CX3CR1: variants seen among roughly 807,000 people sequenced by gnomAD.
CX3CR1 encodes the protein CX3C chemokine receptor 1.
For synonymous variants in CX3CR1, 168 were observed against 178.5 expected (o/e 0.94, Z 0.47); for missense variants, 363 against 432.4 (o/e 0.84, Z 1.42).
rs961959425 is a variant in CX3CR1 at position 39,265,452 on chromosome 3, A to G, written c.1058T>C (p.Leu353Pro). 1.2e-6 allele frequency: 2 copies of G among 1,608,530 alleles called. No homozygotes were observed. Among genetic ancestry groups the G allele is most frequent in the Admixed American group, 1.7e-5 (1 of 59,746 alleles). ...GCTTTGGGATTCCCTTCAGAGAAGGAGCAATGCATCTCCATCACTCGTGTG... is the reference window on the plus strand; with the variant it reads ...GCTTTGGGATTCCCTTCAGAGAAGGGGCAATGCATCTCCATCACTCGTGTG... Reference protein sequence around the residue: ...TYHTSDGDALLLL With the variant: ...TYHTSDGDALPLL The change falls in exon 2 of 2, where the codon CTC (leucine) becomes CCC (proline). Residue 353 changes from leucine (L) to proline (P), a missense_variant. Leu to Pro is a moderately conservative substitution (Grantham distance 98, BLOSUM62 -3). Transcript: ENST00000399220.
the CX3CR1 span, chr3:39,287,972 T>TGA: frequency 3.3e-5 from 5 of 151,012 alleles, no homozygotes; most frequent in African/African-American, 1.2e-4. Flanking sequence ...TGTGTGTGTG[T>TGA]GAGAGAGATG....
At chr3:39,274,479 AC>A (rs748360800) in intron 1 of CX3CR1, among the ~76,000 whole-genome samples, 12,264 of 74,722 alleles carry the variant, frequency 0.16, 589 homozygotes, top group Non-Finnish European at 0.19. Flanking sequence ...TCCAACCACC[AC>A]CAAAAAAAAA....
At chr3:39,279,932 C>G (rs2040877415) in intron 1 of CX3CR1, 22 bp downstream of exon 1, 1 of 974,604 alleles carries the variant, frequency 1.0e-6, no homozygotes, top group Non-Finnish European at 1.2e-6. Flanking sequence ...CCACAGGTAC[C>G]CAACTAGTCC....
chr3:39,274,176 C>T (rs1440160001), intron 1 of CX3CR1, among the ~76,000 whole-genome samples: 1 of 152,136 alleles, frequency 6.6e-6, no homozygotes, highest in Admixed American at 6.5e-5. Context: ...CATGCCCAGA[C>T]CCCTGACTGT....
At chr3:39,282,709 G>A (rs2040914670), upstream of CX3CR1, among the ~76,000 whole-genome samples, 2 of 152,192 alleles carry the variant, frequency 1.3e-5, no homozygotes, top group Admixed American at 6.5e-5. Context: ...GAGTGAGAAT[G>A]TGATTCACCT....
chr3:39,267,150 G>A (rs775861022), intron 1 of CX3CR1, among the ~76,000 whole-genome samples: 4 of 151,976 alleles, frequency 2.6e-5, no homozygotes, highest in Non-Finnish European at 5.9e-5. Flanking sequence ...CTCTCCAAAA[G>A]CTAGCTAGTT....
chr3:39,268,653 C>T (rs2040734159), intron 1 of CX3CR1, among the ~76,000 whole-genome samples: 2 of 152,194 alleles, frequency 1.3e-5, no homozygotes, highest in Non-Finnish European at 2.9e-5. Context: ...TCTTTATGTG[C>T]CTGTGGTCGG....
At chr3:39,287,737 G>A in the CX3CR1 span, 39 of 152,278 alleles carry the variant, frequency 2.6e-4, no homozygotes, top group African/African-American at 8.4e-4. Context: ...CTACAATGTT[G>A]AGTTAATTTT....
At chr3:39,269,140 C>T (rs898412327) in intron 1 of CX3CR1, among the ~76,000 whole-genome samples, 10 of 142,426 alleles carry the variant, frequency 7.0e-5, no homozygotes, top group East Asian at 4.3e-4. Context: ...TGATCTAATC[C>T]GTTCTGCAAT....
At chr3:39,269,725 T>C (rs1309402572) in intron 1 of CX3CR1, among the ~76,000 whole-genome samples, 3 of 152,146 alleles carry the variant, frequency 2.0e-5, no homozygotes, top group Admixed American at 1.3e-4. Flanking sequence ...TCATCCTAGC[T>C]CCCTGCTGTC....
In CX3CR1 at chr3:39,268,863, C is replaced by A. The variant is rs2040737039; in HGVS notation, c.-9-2345G>T. On this transcript the variant is annotated intron_variant, in intron 1 of 1. Coordinates refer to ENST00000399220, the MANE Select transcript of CX3CR1 (RefSeq NM_001337.4). ...GGCACAGTGTGTCACATACAGCAAGCACTTAATACATGTTCAATTTGTTTC... is the reference window on the plus strand; with the variant it reads ...GGCACAGTGTGTCACATACAGCAAGAACTTAATACATGTTCAATTTGTTTC... Among the ~76,000 whole-genome samples, 4 of 152,320 alleles carry A rather than the reference C, an allele frequency of 2.6e-5. No homozygotes were observed. In the South Asian group the frequency reaches 6.2e-4, roughly 24 times the overall value.
At chr3:39,283,791 A>AT (rs2040924285), upstream of CX3CR1, among the ~76,000 whole-genome samples, 2 of 83,792 alleles carry the variant, frequency 2.4e-5, no homozygotes, top group Admixed American at 1.5e-4. Flanking sequence ...AAAAAAAAAA[A>AT]AAATTATATA....
At chr3:39,292,886 T>C in the CX3CR1 span, among the ~76,000 whole-genome samples, 1 of 152,184 alleles carries the variant, frequency 6.6e-6, no homozygotes, top group Non-Finnish European at 1.5e-5. Context: ...CCCTAGACAA[T>C]CTTCTTTCTA....
the CX3CR1 span, among the ~76,000 whole-genome samples, chr3:39,290,875 C>T: frequency 6.6e-6 from 1 of 151,344 alleles, no homozygotes; most frequent in Non-Finnish European, 1.5e-5. Context: ...GAGCTGAGAT[C>T]GCGCCATTGC....
intron 1 of CX3CR1, among the ~76,000 whole-genome samples, chr3:39,276,564 A>G (rs2040842631): frequency 6.6e-6 from 1 of 152,212 alleles, no homozygotes; most frequent in African/African-American, 2.4e-5. Context: ...GTTTGGCTGT[A>G]GACTGCTAAT....
rs1284674638 is a variant in CX3CR1 at position 39,266,269 on chromosome 3, C to CA, written c.240dup (p.Val81CysfsTer14). On this transcript the variant is annotated frameshift_variant, in exon 2 of 2. Coordinates refer to ENST00000399220, the MANE Select transcript of CX3CR1 (RefSeq NM_001337.4). LOFTEE classifies it low-confidence loss of function (END_TRUNC). ...TGAGTCCAGAAGGGCAAAGTGGCTACAAACAGCAGATCAGACAAGGCCAGG... is the reference window on the plus strand; with the variant it reads ...TGAGTCCAGAAGGGCAAAGTGGCTACAAAACAGCAGATCAGACAAGGCCAGG... 1 of 1,614,214 alleles carries CA rather than the reference C, an allele frequency of 6.2e-7. No homozygotes were observed. Among genetic ancestry groups the CA allele is most frequent in the South Asian group, 1.1e-5 (1 of 91,082 alleles).
upstream of CX3CR1, among the ~76,000 whole-genome samples, chr3:39,284,577 T>TG (rs1221481362): frequency 6.6e-6 from 1 of 151,870 alleles, no homozygotes; most frequent in African/African-American, 2.4e-5. Context: ...AATCAATGGG[T>TG]GGGTGTGAGG....
rs1462866251 is a variant in CX3CR1 at position 39,265,646 on chromosome 3, C to G, written c.864G>C (p.Leu288=). Residue 288 remains leucine (L), a synonymous_variant, in exon 2 of 2, where the codon CTG becomes CTC. Transcript: ENST00000399220. ...CAGCAAATGCATAGATGAGAGGATTCAGGCAACAATGGCTAAATGCAACCG... is the reference window on the plus strand; with the variant it reads ...CAGCAAATGCATAGATGAGAGGATTGAGGCAACAATGGCTAAATGCAACCG... The part of the protein sequence containing the change: ...TETVAFSHCC[L]NPLIYAFAGE... The G allele has an allele frequency of 1.2e-6, 2 of 1,614,208 alleles. No homozygotes were observed. The highest frequency in any genetic ancestry group is 8.5e-7 in the Non-Finnish European group (1 of 1,180,032).
chr3:39,287,407 T>C, the CX3CR1 span: 2 of 152,156 alleles, frequency 1.3e-5, no homozygotes, highest in Non-Finnish European at 2.9e-5. Context: ...GGAGGGAGTG[T>C]TTGGTGTCCA....
Sources: allele counts gnomAD v4.1 joint callset (sites outside exome capture counted in the v4.1 genomes callset), GRCh38; gene constraint gnomAD v4.1.1; transcripts MANE v1.5; gene names NCBI Gene and HGNC (gene_info 2026-07-23, HGNC 2026-07-21).